ELMO1: variants seen among roughly 807,000 people sequenced by gnomAD.
ELMO1 encodes engulfment and cell motility 1.
Under a neutral mutation model 98.9 loss-of-function variants are expected in ELMO1, and 26 were observed. The observed-to-expected ratio is 0.26, with a 90% CI of 0.19 to 0.36. ELMO1 has a LOEUF of 0.36. Ranked by LOEUF, ELMO1 falls within the 10% of genes least tolerant of loss-of-function variation. The pLI is 1.00. For missense variants in ELMO1, 627 were observed against 935.2 expected, an observed-to-expected ratio of 0.67 and a Z score of 4.30; for synonymous variants, 346 against 346.0, an observed-to-expected ratio of 1.00 and a Z score of 0.00.
chr7:36,909,158 A>G (rs1784169728), intron 16 of ELMO1, among the ~76,000 whole-genome samples: 1 of 152,260 alleles, frequency 6.6e-6, no homozygotes, highest in Non-Finnish European at 1.5e-5. Flanking sequence ...TTAACCTACG[A>G]TTAATGAATG....
chr7:37,032,119 C>T (rs1794917433), intron 15 of ELMO1, among the ~76,000 whole-genome samples: 1 of 152,190 alleles, frequency 6.6e-6, no homozygotes, highest in African/African-American at 2.4e-5. Context: ...GAGTGCACCC[C>T]TACTGATTGG....
intron 1 of ELMO1, among the ~76,000 whole-genome samples, chr7:37,351,910 T>A (rs187648483): frequency 6.6e-6 from 1 of 152,334 alleles, no homozygotes; most frequent in Non-Finnish European, 1.5e-5. Context: ...GGGCCTGCCT[T>A]TCCTCTGTGG....
At chr7:37,012,985 C>T (rs1485711827) in intron 16 of ELMO1, among the ~76,000 whole-genome samples, 2 of 152,080 alleles carry the variant, frequency 1.3e-5, no homozygotes, top group Admixed American at 1.3e-4. Flanking sequence ...ACAAGGCATC[C>T]CAAACTAATG....
chr7:37,230,037 G>A (rs1003119149), intron 8 of ELMO1, among the ~76,000 whole-genome samples: 5 of 151,936 alleles, frequency 3.3e-5, no homozygotes, highest in African/African-American at 9.7e-5. Flanking sequence ...ACTCATCACC[G>A]AAATTTTACT....
Position 36,897,349 on chromosome 7 carries a change from T to TGTGTGTGTGTGTGTGTGTGTGA in ELMO1, c.1438-2333_1438-2332insTCACACACACACACACACACAC, listed in dbSNP as rs1370708472. On this transcript the variant is annotated intron_variant, in intron 16 of 21. Transcript: ENST00000310758. ...ACGTGTGTGTGTGTGTGTGTGTGTG[T>TGTGTGTGTGTGTGTGTGTGTGA]GAAAGAGTGTTAATGGTTAAGCCTT... is the stretch of plus-strand genomic sequence containing the variant. Among the ~76,000 whole-genome samples, 1,032 of 151,712 alleles carry TGTGTGTGTGTGTGTGTGTGTGA rather than the reference T, an allele frequency of 6.8e-3. 10 individuals carry two copies. The highest frequency in any genetic ancestry group is 0.017 in the African/African-American group (697 of 41,256).
At chr7:36,994,183 C>T (rs2129154720) in intron 16 of ELMO1, among the ~76,000 whole-genome samples, 1 of 152,280 alleles carries the variant, frequency 6.6e-6, no homozygotes, top group African/African-American at 2.4e-5. Flanking sequence ...CCATTTATTA[C>T]ATTTTCTGTT....
At chr7:37,151,352 G>A (rs979956247) in intron 13 of ELMO1, among the ~76,000 whole-genome samples, 2 of 152,042 alleles carry the variant, frequency 1.3e-5, no homozygotes. Context: ...GTTCGTCAGG[G>A]GGACTGTATG....
chr7:37,271,266 C>T (rs1796546888), intron 5 of ELMO1: 1 of 152,950 alleles, frequency 6.5e-6, no homozygotes, highest in African/African-American at 2.4e-5. Context: ...AAGTAACCGA[C>T]TTTAAAGGAA....
At chr7:37,214,153 T>C (rs1793148387) in intron 11 of ELMO1, among the ~76,000 whole-genome samples, 1 of 152,176 alleles carries the variant, frequency 6.6e-6, no homozygotes, top group Non-Finnish European at 1.5e-5. Flanking sequence ...CCCTCACCCC[T>C]GCCCAGAAAT....
intron 1 of ELMO1, among the ~76,000 whole-genome samples, chr7:37,346,940 G>A (rs1488860116): frequency 6.6e-6 from 1 of 152,190 alleles, no homozygotes; most frequent in East Asian, 1.9e-4. Context: ...TGGCTCCAGT[G>A]GAGAGTCAGA....
chr7:36,915,877 A>G (rs982275175), intron 16 of ELMO1, among the ~76,000 whole-genome samples: 7 of 152,296 alleles, frequency 4.6e-5, no homozygotes, highest in East Asian at 1.9e-4. Context: ...GTACTTATAA[A>G]GAACTTCCTT....
At chr7:37,410,662 T>C (rs1329039816) in intron 1 of ELMO1, among the ~76,000 whole-genome samples, 1 of 152,180 alleles carries the variant, frequency 6.6e-6, no homozygotes, top group African/African-American at 2.4e-5. Flanking sequence ...TCTAATCACT[T>C]TCTCCATTCA....
chr7:37,246,791 A>ATAGATAGATAGATAGATAGATAG (rs1562550743), intron 6 of ELMO1, among the ~76,000 whole-genome samples: 1 of 145,736 alleles, frequency 6.9e-6, no homozygotes, highest in African/African-American at 2.7e-5. Flanking sequence ...TAGATAGATA[A>ATAGATAGATAGATAGATAGATAG]ACAGACAGAT....
intron 20 of ELMO1, among the ~76,000 whole-genome samples, chr7:36,864,433 A>G (rs899525365): frequency 6.6e-6 from 1 of 152,314 alleles, no homozygotes; most frequent in Non-Finnish European, 1.5e-5. Context: ...TAATTTCACC[A>G]AAGCTGCCTG....
chr7:37,084,759 CTTT>C (rs930490621), intron 15 of ELMO1, among the ~76,000 whole-genome samples: 1 of 141,956 alleles, frequency 7.0e-6, no homozygotes, highest in African/African-American at 2.6e-5. Flanking sequence ...AAGCAAATTC[CTTT>C]TTTTTTTTTT....
intron 1 of ELMO1, among the ~76,000 whole-genome samples, chr7:37,404,277 C>T (rs2131469768): frequency 6.6e-6 from 1 of 152,120 alleles, no homozygotes; most frequent in East Asian, 1.9e-4. Flanking sequence ...GTCTAGGTGG[C>T]TCCCCCTTCC....
intron 11 of ELMO1, among the ~76,000 whole-genome samples, chr7:37,214,435 T>C (rs1319911550): frequency 6.6e-6 from 1 of 152,102 alleles, no homozygotes; most frequent in Non-Finnish European, 1.5e-5. Flanking sequence ...CTCCCCATTG[T>C]AGAGAAAAAT....
intron 15 of ELMO1, among the ~76,000 whole-genome samples, chr7:37,017,960 C>A (rs185370709): frequency 6.6e-6 from 1 of 152,044 alleles, no homozygotes; most frequent in Non-Finnish European, 1.5e-5. Flanking sequence ...TGCCCCCTAG[C>A]GTGCCATAGA....
chr7:37,311,014 T>C (rs1798863787), intron 4 of ELMO1, among the ~76,000 whole-genome samples: 1 of 149,940 alleles, frequency 6.7e-6, no homozygotes, highest in African/African-American at 2.4e-5. Flanking sequence ...TCCCTCTCTC[T>C]CTCTCCTGGA....
Sources: allele counts gnomAD v4.1 joint callset (sites outside exome capture counted in the v4.1 genomes callset), GRCh38; gene constraint gnomAD v4.1.1; transcripts MANE v1.5; gene names NCBI Gene and HGNC (gene_info 2026-07-23, HGNC 2026-07-21).